CEACAM21: variants seen among roughly 807,000 people sequenced by gnomAD.
The protein encoded by CEACAM21 is cell adhesion molecule CEACAM21.
A neutral mutation model predicts 33.2 loss-of-function variants in CEACAM21; 38 were observed. That is an observed-to-expected ratio of 1.14 (90% CI 0.88 to 1.50). The LOEUF (loss-of-function observed/expected upper bound fraction) is 1.50. Ranked by LOEUF, CEACAM21 falls within the 40% of genes most tolerant of loss-of-function variation. CEACAM21 has a pLI of 0.00. For synonymous variants in CEACAM21, 156 were observed against 143.0 expected, an observed-to-expected ratio of 1.09 and a Z score of -0.65; for missense variants, 385 against 364.6, an observed-to-expected ratio of 1.06 and a Z score of -0.46.
chr19:41,567,866 A>G (rs550926296), intron 2 of CEACAM21, among the ~76,000 whole-genome samples: 1 of 149,602 alleles, frequency 6.7e-6, no homozygotes, highest in African/African-American at 2.5e-5. Flanking sequence ...GAGGATTGGG[A>G]ATGTGGAGAA....
At chr19:41,581,529 C>T (rs2043384734) in intron 3 of CEACAM21, among the ~76,000 whole-genome samples, 1 of 152,118 alleles carries the variant, frequency 6.6e-6, no homozygotes, top group African/African-American at 2.4e-5. Context: ...ATCTCCGCGA[C>T]CGAGCTGGTC....
intron 1 of CEACAM21, among the ~76,000 whole-genome samples, chr19:41,558,624 G>C (rs957905938): frequency 6.6e-6 from 1 of 152,104 alleles, no homozygotes; most frequent in African/African-American, 2.4e-5. Flanking sequence ...TCCAGCCTGG[G>C]TGACAGAGCG....
intron 2 of CEACAM21, among the ~76,000 whole-genome samples, chr19:41,567,123 A>G (rs1437632646): frequency 6.6e-6 from 1 of 152,212 alleles, no homozygotes; most frequent in Admixed American, 6.5e-5. Flanking sequence ...TAAAGAAACA[A>G]TAATGTGGTT....
At chr19:41,582,709 C>G (rs1555793877) in intron 3 of CEACAM21, among the ~76,000 whole-genome samples, 1 of 152,202 alleles carries the variant, frequency 6.6e-6, no homozygotes, top group Non-Finnish European at 1.5e-5. Context: ...TTAGCCATGG[C>G]TGGAGTGGCT....
At chr19:41,583,109 T>C (rs547726913) in intron 3 of CEACAM21, among the ~76,000 whole-genome samples, 1 of 152,346 alleles carries the variant, frequency 6.6e-6, no homozygotes, top group Admixed American at 6.5e-5. Flanking sequence ...ACTTTGCTGC[T>C]TAGAATTTTT....
intron 6 of CEACAM21, chr19:41,586,152 A>G (rs2070721687): frequency 3.3e-6 from 2 of 597,106 alleles, no homozygotes; most frequent in South Asian, 3.9e-5. Flanking sequence ...TCCCCTGCCC[A>G]GATTCCCCTA....
chr19:41,552,570 C>A (rs1024214350), intron 1 of CEACAM21, among the ~76,000 whole-genome samples: 1 of 152,206 alleles, frequency 6.6e-6, no homozygotes, highest in Non-Finnish European at 1.5e-5. Context: ...TTAGTGAAAT[C>A]TGGCCTGCCA....
chr19:41,578,729 A>G (rs2043142157), intron 2 of CEACAM21, among the ~76,000 whole-genome samples: 1 of 152,172 alleles, frequency 6.6e-6, no homozygotes, highest in Non-Finnish European at 1.5e-5. Context: ...GGATTGTCCA[A>G]GCCTCTCCCA....
intron 1 of CEACAM21, among the ~76,000 whole-genome samples, chr19:41,552,828 A>G (rs1436679416): frequency 6.6e-6 from 1 of 152,170 alleles, no homozygotes; most frequent in Non-Finnish European, 1.5e-5. Context: ...CAACACATAT[A>G]AATAGGTTGC....
At chr19:41,584,560 G>A in intron 4 of CEACAM21, 117 bp downstream of exon 4, 1 of 892,126 alleles carries the variant, frequency 1.1e-6, no homozygotes, top group East Asian at 2.6e-5. Flanking sequence ...ACTCCCCAGG[G>A]ATCCTTCCCT....
rs1415055776 is a variant in CEACAM21, at chr19:41,586,721, G to A, written c.*258G>A. The stretch of plus-strand genomic sequence containing the variant: ...CCTCAACAGACTGCCCCGGGCTCTG[G>A]GTGGGCCAAGGCGAAGGCTTCCCAT... On this transcript the variant is annotated 3_prime_UTR_variant, in exon 7 of 7. Coordinates refer to ENST00000401445, the MANE Select transcript of CEACAM21 (RefSeq NM_001098506.4). 2.6e-6 allele frequency: 1 copy of A among 379,544 alleles called. No individual in the cohort carries two copies. The highest frequency in any genetic ancestry group is 5.0e-6 in the Non-Finnish European group (1 of 198,198). The allele number at this position is 379,544 out of a possible 1,614,324, so 23.5% of individuals were successfully genotyped here.
At chr19:41,582,283 A>C (rs1568617592) in intron 3 of CEACAM21, among the ~76,000 whole-genome samples, 1 of 152,174 alleles carries the variant, frequency 6.6e-6, no homozygotes, top group Non-Finnish European at 1.5e-5. Context: ...GTGGCTTTGC[A>C]GGGTACAGCC....
chr19:41,581,433 T>C (rs1443480875), intron 3 of CEACAM21, among the ~76,000 whole-genome samples: 1 of 152,258 alleles, frequency 6.6e-6, no homozygotes, highest in Non-Finnish European at 1.5e-5. Flanking sequence ...CTCTCAGCTC[T>C]GAAGCCTGTG....
intron 1 of CEACAM21, among the ~76,000 whole-genome samples, chr19:41,555,882 A>G (rs2041495748): frequency 6.6e-6 from 1 of 152,354 alleles, no homozygotes; most frequent in East Asian, 1.9e-4. Context: ...GCTCTCAGCC[A>G]TCTCCAAACT....
chr19:41,554,044 G>A (rs1214772408), intron 1 of CEACAM21, among the ~76,000 whole-genome samples: 9 of 152,032 alleles, frequency 5.9e-5, no homozygotes, highest in African/African-American at 1.2e-4. Flanking sequence ...TAGCTCAAAA[G>A]AAAATTTGCC....
At chr19:41,576,715 A>C (rs1239102452) in intron 1 of CEACAM21, among the ~76,000 whole-genome samples, 1 of 152,200 alleles carries the variant, frequency 6.6e-6, no homozygotes, top group African/African-American at 2.4e-5. Context: ...GAACTCATCC[A>C]CAGGAGTCTG....
intron 1 of CEACAM21, among the ~76,000 whole-genome samples, chr19:41,564,382 G>T (rs2042119170): frequency 6.9e-6 from 1 of 145,884 alleles, no homozygotes; most frequent in African/African-American, 2.7e-5. Context: ...TTGCCCTCCT[G>T]CTCCTCGGGA....
At chr19:41,569,585 G>GC (rs782604432) in intron 2 of CEACAM21, among the ~76,000 whole-genome samples, 2 of 152,040 alleles carry the variant, frequency 1.3e-5, no homozygotes, top group Non-Finnish European at 2.9e-5. Flanking sequence ...GCTAGATACT[G>GC]CCCCCCAAGG....
At chr19:41,565,962 G>C (rs186090182) in intron 2 of CEACAM21, among the ~76,000 whole-genome samples, 3,299 of 149,602 alleles carry the variant, frequency 0.022, 90 homozygotes, top group African/African-American at 0.077. Flanking sequence ...TTGCTTTTTG[G>C]GGGGGCGGGG....
Sources: gnomAD v4.1 joint callset for allele counts (sites outside exome capture counted in the v4.1 genomes callset) on GRCh38, gnomAD v4.1.1 for gene constraint, MANE v1.5 for transcripts, NCBI Gene and HGNC (gene_info 2026-07-23, HGNC 2026-07-21) for gene names.